Variants in SLC38A9 observed in about 807,000 individuals in gnomAD.
The protein encoded by SLC38A9 is solute carrier family 38 member 9.
Under a neutral mutation model 62.3 loss-of-function variants are expected in SLC38A9, and 48 were observed. That is an observed-to-expected ratio of 0.77 (90% confidence interval 0.61 to 0.98). The LOEUF (loss-of-function observed/expected upper bound fraction) is 0.98, where lower values mean the gene tolerates loss of function less well. Ranked by LOEUF, SLC38A9 falls within the 50% of genes least tolerant of loss-of-function variation. SLC38A9 has a pLI of 0.00. For missense variants in SLC38A9, 541 were observed against 679.8 expected (o/e 0.80, Z 2.27); for synonymous variants, 204 against 227.7 (o/e 0.90, Z 0.94).
rs577162579 is a variant in SLC38A9, at chr5:55,663,594, G to A, written c.697+1099C>T. On this transcript the variant is annotated intron_variant, in intron 8 of 15. Coordinates refer to ENST00000396865, the MANE Select transcript of SLC38A9 (RefSeq NM_173514.4). ...CTAAAAATACAAAAATTAGCTGAGT[G>A]TTACCGCGGGTGCCTGTAATCCCAG... 3.3e-5 allele frequency among the ~76,000 whole-genome samples: 5 copies of A among 152,010 alleles called. No homozygotes were observed. The South Asian group carries it at 1.0e-3, about 32-fold the overall frequency.
chr5:55,669,820 G>A lies in SLC38A9; in HGVS notation c.306C>T (p.Gly102=). ...PEECYVYSPL[G]SAYKLQSYTE... Reference sequence around the variant, plus strand: ...TGTAACTTTGAAGTTTATAAGCAGAGCCCAATGGACTATACACATAGCACT... The same window carrying A: ...TGTAACTTTGAAGTTTATAAGCAGAACCCAATGGACTATACACATAGCACT... Residue 102 remains glycine, a synonymous_variant, in exon 5 of 16, where the codon GGC becomes GGT. Transcript: ENST00000396865. The A allele has an allele frequency of 1.2e-6, 2 of 1,613,606 alleles. No homozygotes were observed. The highest frequency in any genetic ancestry group is 1.7e-6 in the Non-Finnish European group (2 of 1,179,622).
intron 3 of SLC38A9, among the ~76,000 whole-genome samples, chr5:55,673,953 C>A (rs1751727850): frequency 1.3e-5 from 2 of 152,196 alleles, no homozygotes; most frequent in African/African-American, 4.8e-5. Context: ...CTCAGGTGAT[C>A]CACCTGCCTT....
At chr5:55,650,470 G>C (rs927007049) in intron 10 of SLC38A9, among the ~76,000 whole-genome samples, 3 of 152,220 alleles carry the variant, frequency 2.0e-5, no homozygotes, top group African/African-American at 7.2e-5. Flanking sequence ...GGTGATTGTT[G>C]TGCCCAATTG....
chr5:55,667,265 A>AC (rs36071817), intron 7 of SLC38A9, among the ~76,000 whole-genome samples: 90,779 of 151,732 alleles, frequency 0.6, 27,758 homozygotes, highest in South Asian at 0.7. Context: ...TCCAAAAAAA[A>AC]CTGATTAATT....
intron 12 of SLC38A9, 95 bp downstream of exon 12, chr5:55,645,694 C>T: frequency 1.2e-6 from 1 of 830,274 alleles, no homozygotes; most frequent in Non-Finnish European, 1.9e-6. Context: ...AACAAAATTG[C>T]CTAATTGTAC....
Position 55,656,732 on chromosome 5 carries a change from G to A in SLC38A9, c.740C>T (p.Thr247Ile), listed in dbSNP as rs920961719. ...CTACTTACCAGGGTTGCTATTATTG[G>A]TACTCAGTATAGTGTCTGTGTCATT... ...HINDTDTILSTNNSNPVICPS... is the reference protein window; with the variant it reads ...HINDTDTILSINNSNPVICPS... The change falls in exon 9 of 16, where the codon ACC becomes ATC. Residue 247 changes from threonine (T) to isoleucine (I), a missense_variant. Transcript: ENST00000396865. 25 of 1,598,744 alleles carry A rather than the reference G, an allele frequency of 1.6e-5. No homozygotes were observed. Among genetic ancestry groups the A allele is most frequent in the Non-Finnish European group, 2.1e-5 (24 of 1,167,424 alleles).
At chr5:55,695,239 A>G (rs948933606) in intron 3 of SLC38A9, among the ~76,000 whole-genome samples, 2 of 150,704 alleles carry the variant, frequency 1.3e-5, no homozygotes, top group African/African-American at 4.9e-5. Flanking sequence ...AGTTTCTCTC[A>G]TATAGATTTT....
chr5:55,698,374 G>C (rs1393606869), intron 2 of SLC38A9, among the ~76,000 whole-genome samples: 1 of 152,230 alleles, frequency 6.6e-6, no homozygotes, highest in Non-Finnish European at 1.5e-5. Flanking sequence ...GAAAATGACT[G>C]AAAGAAACTG....
chr5:55,652,393 C>CAAA, intron 10 of SLC38A9, 136 bp downstream of exon 10: 1 of 258,848 alleles, frequency 3.9e-6, no homozygotes. Flanking sequence ...AAAGAAAGAA[C>CAAA]AAAACAAAAA....
chr5:55,647,153 G>T (rs1746508861), intron 11 of SLC38A9, among the ~76,000 whole-genome samples: 1 of 149,040 alleles, frequency 6.7e-6, no homozygotes, highest in African/African-American at 2.5e-5. Context: ...GTTATGTCAG[G>T]TTATGCAATT....
intron 8 of SLC38A9, chr5:55,658,066 T>G (rs1285988884): frequency 6.6e-6 from 1 of 152,232 alleles, no homozygotes; most frequent in Admixed American, 6.5e-5. Flanking sequence ...GAATGTGACC[T>G]TATTTAAAAA....
intron 3 of SLC38A9, chr5:55,692,498 A>G (rs2150549149): frequency 5.5e-6 from 2 of 366,860 alleles, no homozygotes; most frequent in Middle Eastern, 1.3e-3. Flanking sequence ...TTCTCATTAA[A>G]TAGTTTGTTT....
chr5:55,694,193 G>A, intron 3 of SLC38A9: 1 of 213,574 alleles, frequency 4.7e-6, no homozygotes, highest in Non-Finnish European at 9.4e-6. Context: ...GGGCTACAGA[G>A]TGAGACCCTG....
intron 14 of SLC38A9, among the ~76,000 whole-genome samples, chr5:55,633,209 G>A (rs530702269): frequency 9.2e-5 from 14 of 152,150 alleles, no homozygotes; most frequent in African/African-American, 3.4e-4. Context: ...GTTTCAGTAT[G>A]TTGCCCAGGC....
At chr5:55,687,072 T>TTG (rs1482097060) in intron 3 of SLC38A9, among the ~76,000 whole-genome samples, 71 of 22,530 alleles carry the variant, frequency 3.2e-3, no homozygotes, top group African/African-American at 7.2e-3. Flanking sequence ...TTTGTTTTTT[T>TTG]TTTTTTTTTT....
At chr5:55,634,004 C>T (rs1374992766) in intron 13 of SLC38A9, 102 bp from the exon 14 acceptor site, 2 of 866,546 alleles carry the variant, frequency 2.3e-6, no homozygotes, top group Non-Finnish European at 3.4e-6. Context: ...GGTGCTACTC[C>T]GATTGTGGTT....
Position 55,684,799 on chromosome 5 carries a change from G to A in SLC38A9, c.114-12104C>T, listed in dbSNP as rs1011041840. Among the ~76,000 whole-genome samples the A allele has an allele frequency of 4.6e-5, 7 of 152,122 alleles. No homozygotes were observed. In the East Asian group the frequency reaches 1.4e-3, roughly 29 times the overall value. On this transcript the variant is annotated intron_variant, in intron 3 of 15. Transcript: ENST00000396865. Reference sequence around the variant, plus strand: ...CTCCCGAGTAGCTGGGATTACAGGCGCCTGCCACCATGCCCAACTAATTTT... The same window carrying A: ...CTCCCGAGTAGCTGGGATTACAGGCACCTGCCACCATGCCCAACTAATTTT...
chr5:55,627,858 A>T (rs1742732707), intron 15 of SLC38A9, 33 bp downstream of exon 15: 1 of 1,297,886 alleles, frequency 7.7e-7, no homozygotes. Flanking sequence ...AGACCAATAT[A>T]TGTAAGGGCA....
chr5:55,665,584 A>G (rs1750336597), intron 7 of SLC38A9, among the ~76,000 whole-genome samples: 1 of 151,916 alleles, frequency 6.6e-6, no homozygotes, highest in Admixed American at 6.6e-5. Context: ...GAAAGAAATC[A>G]AATAATAAAA....
Sources: allele counts gnomAD v4.1 joint callset (sites outside exome capture counted in the v4.1 genomes callset), GRCh38; gene constraint gnomAD v4.1.1; transcripts MANE v1.5; gene names NCBI Gene and HGNC (gene_info 2026-07-23, HGNC 2026-07-21).